Variants in GALNT17 observed in about 807,000 individuals in gnomAD.
The protein encoded by GALNT17 is polypeptide N-acetylgalactosaminyltransferase 17.
A neutral mutation model predicts 63.7 loss-of-function variants in GALNT17; 29 were observed. The ratio of observed to expected loss-of-function variants is 0.46; its 90% CI spans 0.34 to 0.62. The LOEUF is 0.62. Among genes scored for constraint, GALNT17 ranks in the 20% least tolerant of loss-of-function variants. The pLI is 0.01. For missense variants in GALNT17, 603 were observed against 799.6 expected, an observed-to-expected ratio of 0.75 and a Z score of 2.97; for synonymous variants, 305 against 318.3, an observed-to-expected ratio of 0.96 and a Z score of 0.45.
intron 6 of GALNT17, among the ~76,000 whole-genome samples, chr7:71,574,986 A>G (rs1309038388): frequency 2.6e-5 from 4 of 152,114 alleles, no homozygotes. Context: ...TCCAGCCTAC[A>G]CAGCCAGAGT....
intron 2 of GALNT17, among the ~76,000 whole-genome samples, chr7:71,347,744 C>A (rs1563022161): frequency 6.6e-6 from 1 of 152,056 alleles, no homozygotes; most frequent in Admixed American, 6.6e-5. Flanking sequence ...TCAGAGGGGG[C>A]AGCTGTGGAT....
At chr7:71,211,825 G>C (rs1789383428) in intron 1 of GALNT17, among the ~76,000 whole-genome samples, 1 of 152,196 alleles carries the variant, frequency 6.6e-6, no homozygotes, top group South Asian at 2.1e-4. Flanking sequence ...TTGAACTTGA[G>C]AAAGATGATT....
Position 71,670,088 on chromosome 7 carries a change from T to C in GALNT17, c.1383T>C (p.Asn461=). The C allele has an allele frequency of 6.2e-7, 1 of 1,614,132 alleles. No individual in the cohort carries two copies. The highest frequency in any genetic ancestry group is 1.1e-5 in the South Asian group (1 of 91,082). ...TTTACCCAGAAATGAGAAGATACAA[T>C]AATACCGTTGCTTACGGGGAGGTAA... The part of the protein sequence containing the change: ...DHVYPEMRRY[N]NTVAYGELRN... Residue 461 remains asparagine (N), a synonymous_variant, in exon 8 of 11, where the codon AAT becomes AAC. Coordinates refer to ENST00000333538, the MANE Select transcript of GALNT17 (RefSeq NM_022479.3).
chr7:71,372,464 A>G (rs2707440), intron 2 of GALNT17, among the ~76,000 whole-genome samples: 6,712 of 152,100 alleles, frequency 0.044, 519 homozygotes, highest in African/African-American at 0.15. Flanking sequence ...CATGCCCAGC[A>G]TGTTTTACTT....
chr7:71,156,497 T>A (rs1232247299), intron 1 of GALNT17, among the ~76,000 whole-genome samples: 1 of 151,902 alleles, frequency 6.6e-6, no homozygotes, highest in East Asian at 1.9e-4. Flanking sequence ...TTCCTTTCCC[T>A]TCCTTCAAGC....
intron 2 of GALNT17, among the ~76,000 whole-genome samples, chr7:71,377,114 A>AAAAAAAATATATATATAT: frequency 8.7e-5 from 5 of 57,468 alleles, no homozygotes; most frequent in African/African-American, 2.8e-4. Flanking sequence ...AAATAAAAAA[A>AAAAAAAATATATATATAT]ATATATATAT....
At chr7:71,348,644 C>T (rs1792137036) in intron 2 of GALNT17, among the ~76,000 whole-genome samples, 1 of 152,172 alleles carries the variant, frequency 6.6e-6, no homozygotes. Context: ...ACATGGAATT[C>T]GCGATTTATT....
chr7:71,181,453 T>C (rs1788734088), intron 1 of GALNT17, among the ~76,000 whole-genome samples: 1 of 152,136 alleles, frequency 6.6e-6, no homozygotes, highest in Non-Finnish European at 1.5e-5. Context: ...CTTTCACTGA[T>C]CCTGATACAT....
intron 9 of GALNT17, among the ~76,000 whole-genome samples, chr7:71,681,452 G>A (rs1791260879): frequency 6.6e-6 from 1 of 152,162 alleles, no homozygotes. Context: ...TTGTGGTACT[G>A]AGCCTAGAGG....
chr7:71,432,858 G>C (rs942185589), intron 5 of GALNT17, among the ~76,000 whole-genome samples: 1 of 152,104 alleles, frequency 6.6e-6, no homozygotes, highest in African/African-American at 2.4e-5. Context: ...CACCCAGGCG[G>C]GAGTGCAGTG....
chr7:71,308,194 C>T (rs1226232113), intron 1 of GALNT17, among the ~76,000 whole-genome samples: 1 of 151,952 alleles, frequency 6.6e-6, no homozygotes, highest in East Asian at 1.9e-4. Flanking sequence ...GTCGTGGTGA[C>T]TCACATTTGT....
intron 1 of GALNT17, among the ~76,000 whole-genome samples, chr7:71,219,166 A>G (rs561495490): frequency 6.6e-6 from 1 of 152,266 alleles, no homozygotes; most frequent in East Asian, 1.9e-4. Flanking sequence ...CTTTCATTTT[A>G]CAAATTAGGT....
chr7:71,701,807 A>G (rs1479692971), intron 9 of GALNT17, among the ~76,000 whole-genome samples: 2 of 41,860 alleles, frequency 4.8e-5, no homozygotes, highest in African/African-American at 1.3e-4. Flanking sequence ...GTGTGTGTAT[A>G]TATATATACA....
chr7:71,208,980 A>C (rs1202088735), intron 1 of GALNT17, among the ~76,000 whole-genome samples: 1 of 152,052 alleles, frequency 6.6e-6, no homozygotes, highest in African/African-American at 2.4e-5. Context: ...GCTGGAGAGT[A>C]AGTATTTTCA....
intron 5 of GALNT17, among the ~76,000 whole-genome samples, chr7:71,485,841 A>G (rs997499789): frequency 9.9e-5 from 15 of 152,218 alleles, no homozygotes; most frequent in Admixed American, 7.2e-4. Context: ...TTCTTTGTCA[A>G]CCAGAAATTG....
chr7:71,183,564 T>C (rs1788774082), intron 1 of GALNT17, among the ~76,000 whole-genome samples: 2 of 152,082 alleles, frequency 1.3e-5, no homozygotes, highest in African/African-American at 4.8e-5. Flanking sequence ...CCTTGGAGAA[T>C]TCCCCATGGA....
intron 1 of GALNT17, among the ~76,000 whole-genome samples, chr7:71,266,280 T>C (rs1790490886): frequency 6.6e-6 from 1 of 152,158 alleles, no homozygotes; most frequent in Admixed American, 6.5e-5. Flanking sequence ...CCAAATCTTA[T>C]CTCAAATTGT....
chr7:71,345,159 TG>T (rs540129017), intron 2 of GALNT17, among the ~76,000 whole-genome samples: 13 of 144,978 alleles, frequency 9.0e-5, no homozygotes, highest in Admixed American at 2.8e-4. Context: ...TTTTTTTTTT[TG>T]TTTTTTTTTG....
rs201530641 is a variant in GALNT17, at chr7:71,256,093, T to TC, written c.239-79455dup. Reference sequence around the variant, plus strand: ...ATGATAAAACCTTGGTCTCCACAACTCCTTATCACAACCCAGACATTCCTT... The same window carrying TC: ...ATGATAAAACCTTGGTCTCCACAACTCCCTTATCACAACCCAGACATTCCTT... On this transcript the variant is annotated intron_variant, in intron 1 of 10. Transcript: ENST00000333538. Among the ~76,000 whole-genome samples, 545 of 152,310 alleles carry TC rather than the reference T, an allele frequency of 3.6e-3. 6 individuals carry two copies. Among genetic ancestry groups the TC allele is most frequent in the African/African-American group, 0.012 (489 of 41,566 alleles).
Sources: gnomAD v4.1 joint callset for allele counts (sites outside exome capture counted in the v4.1 genomes callset) on GRCh38, gnomAD v4.1.1 for gene constraint, MANE v1.5 for transcripts, NCBI Gene and HGNC (gene_info 2026-07-23, HGNC 2026-07-21) for gene names.